Variants in JARID2 observed in about 807,000 individuals in gnomAD.
JARID2 encodes protein Jumonji.
JARID2 carries 21 observed loss-of-function variants against 125.6 expected under a neutral mutation model. The observed-to-expected ratio is 0.17, with a 90% confidence interval of 0.12 to 0.24. The LOEUF (loss-of-function observed/expected upper bound fraction) is 0.24. Among genes scored for constraint, JARID2 ranks in the 10% least tolerant of loss-of-function variants. The pLI is 1.00. For synonymous variants in JARID2, 736 were observed against 661.6 expected (o/e 1.11, Z -1.73); for missense variants, 1,303 against 1,639.6 (o/e 0.79, Z 3.55).
intron 2 of JARID2, among the ~76,000 whole-genome samples, chr6:15,398,871 C>G (rs1046460203): frequency 1.3e-4 from 20 of 152,136 alleles, no homozygotes; most frequent in Non-Finnish European, 4.4e-5. Flanking sequence ...AACTTCATTT[C>G]TGGCCAACTG....
intron 2 of JARID2, among the ~76,000 whole-genome samples, chr6:15,385,089 C>T (rs1001142468): frequency 6.6e-6 from 1 of 152,194 alleles, no homozygotes; most frequent in Non-Finnish European, 1.5e-5. Context: ...GGCATATCTG[C>T]CTATGCTCTT....
intron 1 of JARID2, among the ~76,000 whole-genome samples, chr6:15,343,590 G>A (rs1011613624): frequency 2.6e-5 from 4 of 152,128 alleles, no homozygotes; most frequent in African/African-American, 9.7e-5. Flanking sequence ...GCTAAGTGTG[G>A]TTCCATTTTG....
chr6:15,277,512 C>G (rs1403393441), intron 1 of JARID2, among the ~76,000 whole-genome samples: 2 of 152,176 alleles, frequency 1.3e-5, no homozygotes, highest in Non-Finnish European at 2.9e-5. Flanking sequence ...ATCTCTGTCT[C>G]TATCCTGGGT....
intron 2 of JARID2, among the ~76,000 whole-genome samples, chr6:15,392,916 C>T (rs1350254352): frequency 1.3e-5 from 2 of 152,074 alleles, no homozygotes; most frequent in African/African-American, 4.8e-5. Context: ...AACTCCTGAC[C>T]TCAAGTGATC....
In JARID2 at chr6:15,275,542, C is replaced by CCCCG. The variant is rs948745896; in HGVS notation, c.45+28960_45+28961insCGCC. ...ATTTACCGCCCCCCCCGCCCCCCCC[C>CCCCG]CCGTCTTTTGCCTCTTCAATGACCA... On this transcript the variant is annotated intron_variant, in intron 1 of 17. Coordinates refer to ENST00000341776, the MANE Select transcript of JARID2 (RefSeq NM_004973.4). 2.8e-5 allele frequency among the ~76,000 whole-genome samples: 3 copies of CCCCG among 107,326 alleles called. 1 individual carries two copies. The highest frequency in any genetic ancestry group is 6.0e-5 in the Non-Finnish European group (3 of 50,040). The allele number at this position is 107,326 out of a possible 152,430, so 70.4% of individuals were successfully genotyped here. A position where few individuals can be genotyped will look rare whatever the true frequency, so the allele number is the denominator to read the frequency against.
Position 15,404,518 on chromosome 6 carries a change from T to TGC in JARID2, c.182-5705_182-5704dup, listed in dbSNP as rs1393243520. ...TTATAATTTTTCTATCATCTTAAAG[T>TGC]GCACACACACACACACACACACACA... On this transcript the variant is annotated intron_variant, in intron 2 of 17. Coordinates refer to ENST00000341776, the MANE Select transcript of JARID2 (RefSeq NM_004973.4). Among the ~76,000 whole-genome samples the TGC allele has an allele frequency of 4.4e-3, 542 of 123,212 alleles. 4 individuals are homozygous for TGC. Among genetic ancestry groups the TGC allele is most frequent in the African/African-American group, 0.017 (529 of 31,136 alleles). The allele number at this position is 123,212 out of a possible 152,430, so 80.8% of individuals were successfully genotyped here. A position where few individuals can be genotyped will look rare whatever the true frequency, so the allele number is the denominator to read the frequency against.
chr6:15,316,931 TG>T (rs1431099584), intron 1 of JARID2, among the ~76,000 whole-genome samples: 1 of 152,248 alleles, frequency 6.6e-6, no homozygotes, highest in East Asian at 1.9e-4. Context: ...TTAGCCAGCC[TG>T]TGCTTCAAGT....
intron 4 of JARID2, among the ~76,000 whole-genome samples, chr6:15,454,561 T>G (rs1298624252): frequency 7.2e-5 from 11 of 152,096 alleles, no homozygotes; most frequent in Non-Finnish European, 1.6e-4. Flanking sequence ...CTAAGCAGCC[T>G]CGACCTCCTG....
intron 1 of JARID2, among the ~76,000 whole-genome samples, chr6:15,261,198 A>G (rs1759858513): frequency 6.6e-6 from 1 of 152,182 alleles, no homozygotes; most frequent in South Asian, 2.1e-4. Context: ...CATGGAGGTC[A>G]TCCCAATAAA....
Position 15,424,716 on chromosome 6 carries a change from T to C in JARID2, c.323+14351T>C, listed in dbSNP as rs1475051201. ...CCACTAAAAAAATACAAAATTAGCT[T>C]GGTGTGGTGGCGCATCCTTGTAATC... On this transcript the variant is annotated intron_variant, in intron 3 of 17. Coordinates refer to ENST00000341776, the MANE Select transcript of JARID2 (RefSeq NM_004973.4). Among the ~76,000 whole-genome samples, 5 of 151,950 alleles carry C rather than the reference T, an allele frequency of 3.3e-5. No homozygotes were observed. In the East Asian group the frequency reaches 9.7e-4, roughly 29 times the overall value.
At chr6:15,493,438 C>A (rs1046188582) in intron 6 of JARID2, among the ~76,000 whole-genome samples, 1 of 152,128 alleles carries the variant, frequency 6.6e-6, no homozygotes, top group Non-Finnish European at 1.5e-5. Flanking sequence ...GGGTTATGTC[C>A]GGCACCATCT....
intron 2 of JARID2, among the ~76,000 whole-genome samples, chr6:15,408,543 ATTAT>A (rs763243945): frequency 2.6e-5 from 4 of 152,238 alleles, no homozygotes; most frequent in South Asian, 2.1e-4. Flanking sequence ...CAGTAAAGAT[ATTAT>A]TTAAACTACA....
intron 2 of JARID2, among the ~76,000 whole-genome samples, chr6:15,404,137 C>T (rs1249692037): frequency 2.6e-5 from 4 of 152,216 alleles, no homozygotes; most frequent in Non-Finnish European, 4.4e-5. Context: ...TTCTCAGTCA[C>T]ACCAGTGTGT....
At chr6:15,487,112 A>G (rs1769909481) in intron 5 of JARID2, among the ~76,000 whole-genome samples, 195 bp from the exon 6 acceptor site, 1 of 152,114 alleles carries the variant, frequency 6.6e-6, no homozygotes, top group Non-Finnish European at 1.5e-5. Context: ...ATGAGAACGC[A>G]CTTGTTATCA....
In JARID2 at chr6:15,501,219, G is replaced by T; in HGVS notation, c.2258G>T (p.Arg753Leu). The T allele has an allele frequency of 1.2e-6, 2 of 1,613,776 alleles. No homozygotes were observed. Among genetic ancestry groups the T allele is most frequent in the Non-Finnish European group, 8.5e-7 (1 of 1,179,742 alleles). The change falls in exon 8 of 18, where the codon CGC becomes CTC. Residue 753 changes from arginine to leucine, a missense_variant. Arg to Leu is a moderately radical substitution (Grantham distance 102). This residue lies in a region of JARID2 where 124 missense variants were observed against 131.0 expected (regional missense o/e 0.95). Coordinates refer to ENST00000341776, the MANE Select transcript of JARID2 (RefSeq NM_004973.4). ...CACCACAAGTTCCACCCTCTGCCCC[G>T]CTTCGAGCCCAAGAATGGGCTCATC... is the stretch of plus-strand genomic sequence containing the variant. ...NDHHKFHPLP[R>L]FEPKNGLIHG...
intron 7 of JARID2, among the ~76,000 whole-genome samples, chr6:15,500,035 T>G (rs1581650944): frequency 6.6e-6 from 1 of 152,238 alleles, no homozygotes; most frequent in South Asian, 2.1e-4. Context: ...TGTTAATTTG[T>G]ACTTTGTTTA....
At chr6:15,248,436 T>TGGGAGCGGGGGC (rs1759279677) in intron 1 of JARID2, 3 of 16,708 alleles carry the variant, frequency 1.8e-4, no homozygotes, top group South Asian at 3.5e-3. Flanking sequence ...GGGGAGGGGG[T>TGGGAGCGGGGGC]GGGAGCGGGG....
chr6:15,323,928 A>G (rs759785847), intron 1 of JARID2, among the ~76,000 whole-genome samples: 32 of 151,556 alleles, frequency 2.1e-4, no homozygotes, highest in Non-Finnish European at 3.8e-4. Flanking sequence ...CATGCCTGTA[A>G]TCCCAGCATT....
At chr6:15,275,389 A>C (rs555645375) in intron 1 of JARID2, among the ~76,000 whole-genome samples, 1 of 152,094 alleles carries the variant, frequency 6.6e-6, no homozygotes, top group Admixed American at 6.6e-5. Flanking sequence ...TCTTCATTAG[A>C]TACTGATACC....
Sources: allele counts gnomAD v4.1 joint callset (sites outside exome capture counted in the v4.1 genomes callset), GRCh38; gene constraint gnomAD v4.1.1; regional missense constraint gnomAD v4.1.1; transcripts MANE v1.5; gene names NCBI Gene and HGNC (gene_info 2026-07-23, HGNC 2026-07-21).